Variants in RBFOX1 observed in about 807,000 individuals in gnomAD.
The protein encoded by RBFOX1 is RNA binding protein fox-1 homolog 1.
A neutral mutation model predicts 57.7 loss-of-function variants in RBFOX1; 8 were observed. The observed-to-expected ratio is 0.14, with a 90% CI of 0.08 to 0.25. The LOEUF is 0.25. Among genes scored for constraint, RBFOX1 ranks in the 10% least tolerant of loss-of-function variants. RBFOX1 has a pLI of 1.00. For missense variants in RBFOX1, 611 were observed against 548.5 expected (o/e 1.11, Z -1.14); for synonymous variants, 326 against 222.4 (o/e 1.47, Z -4.15).
chr16:5,436,136 G>A (rs2067911076), intron 1 of RBFOX1, among the ~76,000 whole-genome samples: 1 of 152,174 alleles, frequency 6.6e-6, no homozygotes, highest in Non-Finnish European at 1.5e-5. Flanking sequence ...ATGGCACAAG[G>A]AGACACCCAT....
At chr16:6,028,509 TAAAAA>T (rs36218292) in intron 1 of RBFOX1, among the ~76,000 whole-genome samples, 62 of 104,516 alleles carry the variant, frequency 5.9e-4, no homozygotes, top group African/African-American at 1.6e-3. Flanking sequence ...CTGTCTCTGT[TAAAAA>T]AAAAAAAAAA....
At chr16:7,629,426 T>C (rs904695663) in intron 10 of RBFOX1, among the ~76,000 whole-genome samples, 1 of 152,162 alleles carries the variant, frequency 6.6e-6, no homozygotes, top group South Asian at 2.1e-4. Context: ...ACTTGTAAGG[T>C]TGGCTTCTTA....
At chr16:5,278,469 T>C (rs1441931356) in intron 1 of RBFOX1, among the ~76,000 whole-genome samples, 1 of 152,238 alleles carries the variant, frequency 6.6e-6, no homozygotes, top group East Asian at 1.9e-4. Flanking sequence ...TAGGTCGTCT[T>C]CCAGCGTTTT....
chr16:7,509,869 A>G (rs1391689055), intron 4 of RBFOX1, among the ~76,000 whole-genome samples: 1 of 152,058 alleles, frequency 6.6e-6, no homozygotes, highest in Non-Finnish European at 1.5e-5. Context: ...TGCATACCAT[A>G]TATTTAGTTT....
chr16:5,319,979 C>G (rs1033030868), intron 1 of RBFOX1, among the ~76,000 whole-genome samples: 8 of 152,114 alleles, frequency 5.3e-5, no homozygotes, highest in African/African-American at 1.7e-4. Flanking sequence ...TTTGGTGGCC[C>G]GGGTGCAGTC....
intron 3 of RBFOX1, among the ~76,000 whole-genome samples, chr16:7,048,975 C>T (rs1322170951): frequency 6.6e-6 from 1 of 152,120 alleles, no homozygotes; most frequent in Admixed American, 6.5e-5. Flanking sequence ...ATATATATAT[C>T]AAGTCTGGGA....
At position 7,648,567 on chromosome 16, in the gene RBFOX1, A is replaced by G. The variant is rs117542486; in HGVS notation, c.758-5248A>G. 4.2e-3 allele frequency among the ~76,000 whole-genome samples: 636 copies of G among 152,328 alleles called. 2 individuals are homozygous for G. Among genetic ancestry groups the G allele is most frequent in the Non-Finnish European group, 7.0e-3 (475 of 68,028 alleles). On this transcript the variant is annotated intron_variant, in intron 11 of 15. Transcript: ENST00000550418. Reference sequence around the variant, plus strand: ...AGATGGGAAGAAACACAGAAGGCACAGTCATAAGTCAGAAGAGTTTGGAAT... The same window carrying G: ...AGATGGGAAGAAACACAGAAGGCACGGTCATAAGTCAGAAGAGTTTGGAAT...
chr16:6,790,717 C>T (rs529601128), intron 3 of RBFOX1, among the ~76,000 whole-genome samples: 3 of 152,204 alleles, frequency 2.0e-5, no homozygotes, highest in African/African-American at 4.8e-5. Context: ...GCTCTCCATC[C>T]CTCCTCTTCT....
At chr16:5,497,638 A>AAAAAAAAAAAAAAAAAT (rs71142625) in intron 2 of RBFOX1, among the ~76,000 whole-genome samples, 201 of 139,384 alleles carry the variant, frequency 1.4e-3, no homozygotes, top group Middle Eastern at 8.0e-3. Flanking sequence ...AAAAAAAAAA[A>AAAAAAAAAAAAAAAAAT]GCTGGGCATG....
chr16:5,688,433 GT>G (rs1342721113), intron 3 of RBFOX1, among the ~76,000 whole-genome samples: 3 of 152,206 alleles, frequency 2.0e-5, no homozygotes, highest in African/African-American at 7.2e-5. Context: ...TTACCCTCAT[GT>G]TGCCTGCAAG....
At chr16:5,580,336 AGCTTG>A (rs2046622539) in intron 2 of RBFOX1, among the ~76,000 whole-genome samples, 1 of 152,108 alleles carries the variant, frequency 6.6e-6, no homozygotes, top group Non-Finnish European at 1.5e-5. Context: ...TTGGTAATTG[AGCTTG>A]TGGGAAAACA....
At chr16:6,705,868 A>G (rs914437164) in intron 3 of RBFOX1, among the ~76,000 whole-genome samples, 1 of 152,032 alleles carries the variant, frequency 6.6e-6, no homozygotes, top group Admixed American at 6.6e-5. Context: ...AAATACAAAC[A>G]TTAGCTGGGC....
Position 7,232,640 on chromosome 16 carries a change from G to C in RBFOX1, c.27+180542G>C, listed in dbSNP as rs563752898. The stretch of plus-strand genomic sequence containing the variant: ...GTGGATCACCTGAGGTTGGGAGTTC[G>C]AGAACAGCCTGACCAACATGGAGAA... On this transcript the variant is annotated intron_variant, in intron 4 of 15. Transcript: ENST00000550418. 5.9e-5 allele frequency among the ~76,000 whole-genome samples: 9 copies of C among 152,070 alleles called. 1 individual carries two copies. The highest frequency in any genetic ancestry group is 2.2e-4 in the African/African-American group (9 of 41,492).
downstream of RBFOX1, among the ~76,000 whole-genome samples, chr16:5,602,123 C>G (rs1347876448): frequency 1.3e-5 from 2 of 152,240 alleles, no homozygotes; most frequent in East Asian, 1.9e-4. Context: ...TGGACTCTCA[C>G]AGGTCAGCTT....
intron 4 of RBFOX1, among the ~76,000 whole-genome samples, chr16:7,286,685 G>A (rs561213149): frequency 2.0e-5 from 3 of 147,614 alleles, no homozygotes; most frequent in Non-Finnish European, 3.0e-5. Context: ...GTGCAGTGGC[G>A]AGATCTCGGG....
intron 1 of RBFOX1, among the ~76,000 whole-genome samples, chr16:6,271,121 C>T (rs186431644): frequency 6.6e-6 from 1 of 152,074 alleles, no homozygotes; most frequent in African/African-American, 2.4e-5. Flanking sequence ...TAAACTCCCA[C>T]CTTAAGAACA....
intron 4 of RBFOX1, among the ~76,000 whole-genome samples, chr16:7,172,891 C>A (rs1239366369): frequency 6.6e-6 from 1 of 152,156 alleles, no homozygotes; most frequent in Non-Finnish European, 1.5e-5. Context: ...ACTGACCTGC[C>A]ATGAGATTCC....
rs889465047 is a variant in RBFOX1 at position 7,335,209 on chromosome 16, C to G, written c.28-182938C>G. Among the ~76,000 whole-genome samples, 4 of 152,226 alleles carry G rather than the reference C, an allele frequency of 2.6e-5. No homozygotes were observed. In the East Asian group the frequency reaches 7.7e-4, roughly 29 times the overall value. On this transcript the variant is annotated intron_variant, in intron 4 of 15. Transcript: ENST00000550418. ...GCCGATGTTTCTGCTGCCAGCTGTC[C>G]TGCATTGCTGCAGACTCCACTTGCT...
chr16:6,359,440 G>A (rs1022582496), intron 2 of RBFOX1, among the ~76,000 whole-genome samples: 2 of 152,158 alleles, frequency 1.3e-5, no homozygotes, highest in African/African-American at 2.4e-5. Context: ...CTCGGTGAAG[G>A]TGGAGACTTT....
Sources: gnomAD v4.1 joint callset for allele counts (sites outside exome capture counted in the v4.1 genomes callset) on GRCh38, gnomAD v4.1.1 for gene constraint, MANE v1.5 for transcripts, NCBI Gene and HGNC (gene_info 2026-07-23, HGNC 2026-07-21) for gene names.